The following KCNIP4 variants were observed in gnomAD, a reference collection of about 807,000 sequenced individuals.
KCNIP4 encodes Kv channel-interacting protein 4.
KCNIP4 carries 12 observed loss-of-function variants against 34.0 expected under a neutral mutation model. That is an observed-to-expected ratio of 0.35 (90% CI 0.23 to 0.57). The LOEUF is 0.57. KCNIP4 is among the 20% of genes least tolerant of loss of function. KCNIP4 has a pLI of 0.83. For missense variants in KCNIP4, 238 were observed against 311.7 expected (o/e 0.76, Z 1.78); for synonymous variants, 124 against 102.2 (o/e 1.21, Z -1.29).
chr4:21,340,350 C>T (rs1001658893), intron 1 of KCNIP4, among the ~76,000 whole-genome samples: 1 of 152,092 alleles, frequency 6.6e-6, no homozygotes, highest in African/African-American at 2.4e-5. Flanking sequence ...TCAGTATTAA[C>T]CAGATTATTC....
At chr4:21,773,767 G>GTTTTTTT (rs373554454) in intron 1 of KCNIP4, among the ~76,000 whole-genome samples, 2 of 138,282 alleles carry the variant, frequency 1.4e-5, no homozygotes, top group African/African-American at 6.0e-5. Context: ...TTGTTTGTTT[G>GTTTTTTT]TTTTTGTTTT....
At chr4:21,465,815 T>A (rs910612495) in intron 1 of KCNIP4, among the ~76,000 whole-genome samples, 3 of 152,224 alleles carry the variant, frequency 2.0e-5, no homozygotes, top group Non-Finnish European at 4.4e-5. Context: ...GGCTCCTTAT[T>A]CTGTGCTCTG....
At chr4:21,221,434 T>TGGAAGG (rs1317597529) in intron 1 of KCNIP4, among the ~76,000 whole-genome samples, 5 of 151,966 alleles carry the variant, frequency 3.3e-5, no homozygotes, top group Non-Finnish European at 2.9e-5. Context: ...ACAATCATGG[T>TGGAAGG]GGAAGGGGAA....
intron 1 of KCNIP4, among the ~76,000 whole-genome samples, chr4:21,280,356 T>C (rs1344111414): frequency 3.3e-5 from 5 of 152,172 alleles, no homozygotes. Context: ...CAGGTAGGAA[T>C]ACAGTATTGT....
intron 1 of KCNIP4, among the ~76,000 whole-genome samples, chr4:21,443,337 G>A (rs1057203165): frequency 3.9e-5 from 6 of 152,140 alleles, no homozygotes; most frequent in African/African-American, 7.2e-5. Context: ...ACTTCTCCCA[G>A]ATAAGTGCAT....
chr4:21,000,882 T>A (rs1338342011), intron 1 of KCNIP4, among the ~76,000 whole-genome samples: 1 of 152,218 alleles, frequency 6.6e-6, no homozygotes, highest in Non-Finnish European at 1.5e-5. Flanking sequence ...TAGACCTTAG[T>A]AAGTACAGCA....
At chr4:20,761,069 C>T (rs1754919571) in intron 3 of KCNIP4, among the ~76,000 whole-genome samples, 1 of 152,100 alleles carries the variant, frequency 6.6e-6, no homozygotes, top group African/African-American at 2.4e-5. Context: ...GTGAGGGGGC[C>T]TCATTGAATC....
chr4:21,239,329 T>C (rs987703034), intron 1 of KCNIP4, among the ~76,000 whole-genome samples: 4 of 150,348 alleles, frequency 2.7e-5, no homozygotes, highest in Non-Finnish European at 5.9e-5. Flanking sequence ...GGACTTCATG[T>C]CTAAAACACC....
chr4:21,598,282 T>C (rs779093008), intron 1 of KCNIP4, among the ~76,000 whole-genome samples: 4 of 152,098 alleles, frequency 2.6e-5, no homozygotes, highest in Admixed American at 6.6e-5. Context: ...ATAGAGAACA[T>C]GCATTTTAAG....
Position 21,111,234 on chromosome 4 carries a change from A to G in KCNIP4, c.62-228525T>C, listed in dbSNP as rs4645212. Among the ~76,000 whole-genome samples, 111 of 152,308 alleles carry G rather than the reference A, an allele frequency of 7.3e-4. 1 individual carries two copies. The highest frequency in any genetic ancestry group is 2.5e-3 in the African/African-American group (105 of 41,574). ...CCAAGGAAGAGAGAACATAGGAGAAAGAGAGAACGAAAGAATTGATCCTTG... is the reference window on the plus strand; with the variant it reads ...CCAAGGAAGAGAGAACATAGGAGAAGGAGAGAACGAAAGAATTGATCCTTG... On this transcript the variant is annotated intron_variant, in intron 1 of 8. Transcript: ENST00000382152.
At chr4:21,017,112 A>C (rs1486315973) in intron 1 of KCNIP4, among the ~76,000 whole-genome samples, 1 of 152,186 alleles carries the variant, frequency 6.6e-6, no homozygotes, top group Non-Finnish European at 1.5e-5. Context: ...TGCTTGCTCT[A>C]CCCATGGACT....
At chr4:21,285,513 A>G (rs1763065983) in intron 1 of KCNIP4, among the ~76,000 whole-genome samples, 1 of 152,126 alleles carries the variant, frequency 6.6e-6, no homozygotes, top group Admixed American at 6.5e-5. Context: ...AAAGGAAAAC[A>G]ATGCCATGAA....
chr4:20,926,033 A>G (rs778475525), intron 1 of KCNIP4, among the ~76,000 whole-genome samples: 4 of 152,246 alleles, frequency 2.6e-5, no homozygotes, highest in Non-Finnish European at 5.9e-5. Flanking sequence ...TGAGACTCCG[A>G]GAAGGAAATC....
chr4:21,329,437 A>C (rs1715405110), intron 1 of KCNIP4, among the ~76,000 whole-genome samples: 1 of 152,212 alleles, frequency 6.6e-6, no homozygotes, highest in Non-Finnish European at 1.5e-5. Flanking sequence ...ATATTTATGG[A>C]ATACTTACTA....
At chr4:21,353,855 C>A (rs1578118168) in intron 1 of KCNIP4, among the ~76,000 whole-genome samples, 1 of 152,082 alleles carries the variant, frequency 6.6e-6, no homozygotes, top group South Asian at 2.1e-4. Context: ...ATCAGATTCA[C>A]CAAGGTTGAA....
At chr4:21,437,811 G>T (rs916172205) in intron 1 of KCNIP4, among the ~76,000 whole-genome samples, 1 of 151,890 alleles carries the variant, frequency 6.6e-6, no homozygotes, top group Non-Finnish European at 1.5e-5. Context: ...AATTAAAGCT[G>T]CAGTGGCTAA....
intron 1 of KCNIP4, among the ~76,000 whole-genome samples, chr4:21,661,940 T>G (rs1748485696): frequency 6.6e-6 from 1 of 152,108 alleles, no homozygotes. Context: ...TATAAGGCAG[T>G]TTTCTCGCTG....
At position 21,948,683 on chromosome 4, in the gene KCNIP4, G is replaced by A. The variant is rs771589915; in HGVS notation, c.-52C>T. On this transcript the variant is annotated 5_prime_UTR_variant, in exon 1 of 9. Transcript: ENST00000382152. ...AGACTCGAGAGTCCACCGGCCAGGG[G>A]CGTCTGTCCACGGGTCTGCACGGGA... 1.3e-6 allele frequency: 2 copies of A among 1,593,378 alleles called. No individual in the cohort carries two copies. The highest frequency in any genetic ancestry group is 2.3e-5 in the East Asian group (1 of 44,190).
intron 1 of KCNIP4, among the ~76,000 whole-genome samples, chr4:21,062,091 A>C (rs1168521390): frequency 6.6e-6 from 1 of 152,182 alleles, no homozygotes; most frequent in Non-Finnish European, 1.5e-5. Context: ...AGCCCTGGAA[A>C]GTGAATACAA....
Sources: gnomAD v4.1 joint callset for allele counts (sites outside exome capture counted in the v4.1 genomes callset) on GRCh38, gnomAD v4.1.1 for gene constraint, MANE v1.5 for transcripts, NCBI Gene and HGNC (gene_info 2026-07-23, HGNC 2026-07-21) for gene names.